Variants in KAZN observed in about 807,000 individuals in gnomAD.
The protein encoded by KAZN is kazrin.
A neutral mutation model predicts 87.4 loss-of-function variants in KAZN; 40 were observed. That is an observed-to-expected ratio of 0.46 (90% CI 0.36 to 0.60). The LOEUF (loss-of-function observed/expected upper bound fraction) is 0.60. Ranked by LOEUF, KAZN falls within the 20% of genes least tolerant of loss-of-function variation. The pLI is 0.00. For synonymous variants in KAZN, 466 were observed against 458.3 expected (o/e 1.02, Z -0.22); for missense variants, 898 against 1,073.9 (o/e 0.84, Z 2.29).
At chr1:14,534,432 G>A (rs1202798007) in intron 2 of KAZN, among the ~76,000 whole-genome samples, 1 of 152,110 alleles carries the variant, frequency 6.6e-6, no homozygotes, top group African/African-American at 2.4e-5. Context: ...ATCGCCTGAG[G>A]TCAGGAGTTC....
chr1:14,633,020 G>A (rs1572094374), intron 1 of KAZN, among the ~76,000 whole-genome samples: 8 of 151,972 alleles, frequency 5.3e-5, no homozygotes, highest in Admixed American at 3.9e-4. Flanking sequence ...AGATTCAAGC[G>A]ATTCCCCTGC....
chr1:13,982,280 C>A (rs1419306833), intron 1 of KAZN, among the ~76,000 whole-genome samples: 2 of 152,132 alleles, frequency 1.3e-5, no homozygotes, highest in Non-Finnish European at 2.9e-5. Flanking sequence ...TCACTGACTT[C>A]AAGAATGAAG....
At chr1:14,568,366 C>T (rs902130210) in intron 2 of KAZN, among the ~76,000 whole-genome samples, 1 of 152,144 alleles carries the variant, frequency 6.6e-6, no homozygotes, top group African/African-American at 2.4e-5. Flanking sequence ...TTTCATGCTG[C>T]TGATAAAGAC....
intron 1 of KAZN, among the ~76,000 whole-genome samples, chr1:14,708,035 T>C (rs189814010): frequency 6.6e-6 from 1 of 152,284 alleles, no homozygotes; most frequent in East Asian, 1.9e-4. Flanking sequence ...TCTGTGAGTT[T>C]GAGCAGTTTC....
chr1:14,141,425 T>G (rs1413346267), intron 1 of KAZN, among the ~76,000 whole-genome samples: 2 of 151,408 alleles, frequency 1.3e-5, no homozygotes, highest in Non-Finnish European at 2.9e-5. Context: ...GCCCCATAGG[T>G]TTCTTCGGGG....
intron 2 of KAZN, among the ~76,000 whole-genome samples, chr1:14,265,047 C>T (rs1420328842): frequency 6.6e-6 from 1 of 152,178 alleles, no homozygotes; most frequent in Non-Finnish European, 1.5e-5. Context: ...TAAACATTCT[C>T]TCCTAAGTCT....
intron 1 of KAZN, among the ~76,000 whole-genome samples, chr1:14,019,639 G>A (rs1640732148): frequency 6.6e-6 from 1 of 152,130 alleles, no homozygotes; most frequent in Admixed American, 6.5e-5. Context: ...ACCTCAGGGT[G>A]CTACATTGCC....
chr1:14,235,291 TA>T (rs1648302668), intron 2 of KAZN, among the ~76,000 whole-genome samples: 1 of 152,160 alleles, frequency 6.6e-6, no homozygotes, highest in African/African-American at 2.4e-5. Flanking sequence ...TATTCATCCA[TA>T]AAAAAGGATG....
At chr1:13,953,113 T>C (rs1030641859) in intron 1 of KAZN, among the ~76,000 whole-genome samples, 5 of 152,046 alleles carry the variant, frequency 3.3e-5, no homozygotes, top group Non-Finnish European at 7.4e-5. Context: ...GGCCCCCGAA[T>C]TCAATAGACA....
chr1:15,084,374 G>A (rs901574868), intron 8 of KAZN, among the ~76,000 whole-genome samples: 6 of 152,202 alleles, frequency 3.9e-5, no homozygotes, highest in East Asian at 1.9e-4. Context: ...AGGGCAGCGT[G>A]GGGGAAGACA....
intron 2 of KAZN, among the ~76,000 whole-genome samples, chr1:14,258,131 C>G (rs577936195): frequency 6.9e-4 from 105 of 151,314 alleles, no homozygotes; most frequent in Non-Finnish European, 1.5e-3. Context: ...TCACAATGAA[C>G]CCTCCACCGT....
intron 2 of KAZN, among the ~76,000 whole-genome samples, chr1:14,329,572 T>G (rs1656698757): frequency 6.6e-6 from 1 of 152,188 alleles, no homozygotes; most frequent in Non-Finnish European, 1.5e-5. Flanking sequence ...ACAGCAGAAC[T>G]GGGATCAGTG....
At chr1:15,086,313 C>T (rs746392027) in intron 8 of KAZN, among the ~76,000 whole-genome samples, 12 of 152,244 alleles carry the variant, frequency 7.9e-5, no homozygotes, top group Admixed American at 2.0e-4. Context: ...AAGAACAATT[C>T]GGCTTGCAGT....
chr1:13,987,013 C>T (rs1188516761), intron 1 of KAZN, among the ~76,000 whole-genome samples: 1 of 150,462 alleles, frequency 6.6e-6, no homozygotes, highest in African/African-American at 2.4e-5. Context: ...CCCCCTAATG[C>T]TGTGGAAGAA....
At chr1:14,889,790 T>C (rs906329438) in intron 1 of KAZN, among the ~76,000 whole-genome samples, 17 of 152,206 alleles carry the variant, frequency 1.1e-4, no homozygotes, top group African/African-American at 4.1e-4. Context: ...GCAGTGTCCA[T>C]AAATAAAATG....
chr1:14,756,871 AG>A (rs1268892930), intron 1 of KAZN, among the ~76,000 whole-genome samples: 1 of 152,256 alleles, frequency 6.6e-6, no homozygotes, highest in East Asian at 1.9e-4. Context: ...GAGAAAAAAA[AG>A]CAACAGAACA....
intron 1 of KAZN, among the ~76,000 whole-genome samples, chr1:14,154,482 C>G (rs1286801355): frequency 2.6e-5 from 4 of 152,050 alleles, no homozygotes; most frequent in Non-Finnish European, 5.9e-5. Flanking sequence ...TTTGAATGCC[C>G]TTTATTTCTT....
Position 14,293,826 on chromosome 1 carries a change from A to G in KAZN, c.249+113234A>G, listed in dbSNP as rs1020248035. ...TATAGCATCTAACTCCTCCATATAC[A>G]GCCTCAGTTTCCCCAAGGTGGTTAG... On this transcript the variant is annotated intron_variant, in intron 2 of 16. Transcript: ENST00000636203. 2.0e-5 allele frequency among the ~76,000 whole-genome samples: 3 copies of G among 152,130 alleles called. No individual in the cohort carries two copies. The East Asian group carries it at 5.8e-4, about 29-fold the overall frequency.
At chr1:15,005,345 A>G (rs754708069) in intron 2 of KAZN, among the ~76,000 whole-genome samples, 44 of 152,310 alleles carry the variant, frequency 2.9e-4, no homozygotes, top group Non-Finnish European at 5.6e-4. Context: ...GGCAGGTGCC[A>G]TCTGTCGATG....
Sources: allele counts gnomAD v4.1 joint callset (sites outside exome capture counted in the v4.1 genomes callset), GRCh38; gene constraint gnomAD v4.1.1; transcripts MANE v1.5; gene names NCBI Gene and HGNC (gene_info 2026-07-23, HGNC 2026-07-21).